BACH2: variants seen among roughly 807,000 people sequenced by gnomAD.
The protein encoded by BACH2 is transcription regulator protein BACH2.
Under a neutral mutation model 61.8 loss-of-function variants are expected in BACH2, and 5 were observed. The ratio of observed to expected loss-of-function variants is 0.08; its 90% CI spans 0.04 to 0.17. The LOEUF is 0.17. BACH2 is among the 10% of genes least tolerant of loss of function. The pLI, the probability that BACH2 is intolerant of heterozygous loss-of-function variation, is 1.00. For synonymous variants in BACH2, 446 were observed against 440.1 expected (o/e 1.01, Z -0.17); for missense variants, 824 against 1,091.1 (o/e 0.76, Z 3.45).
intron 3 of BACH2, among the ~76,000 whole-genome samples, chr6:90,220,897 T>C (rs1357738662): frequency 6.6e-6 from 1 of 152,210 alleles, no homozygotes; most frequent in Non-Finnish European, 1.5e-5. Flanking sequence ...TTACAGGTAT[T>C]TGTGCTTTTC....
intron 5 of BACH2, among the ~76,000 whole-genome samples, chr6:90,052,327 A>G (rs928289326): frequency 6.6e-6 from 1 of 152,180 alleles, no homozygotes; most frequent in East Asian, 1.9e-4. Flanking sequence ...GCAATATAGA[A>G]ATGTTATACC....
chr6:90,094,611 C>T (rs1302950549), intron 4 of BACH2, among the ~76,000 whole-genome samples: 1 of 152,140 alleles, frequency 6.6e-6, no homozygotes. Context: ...AAGGACGGGA[C>T]ACTGCATGTT....
intron 5 of BACH2, among the ~76,000 whole-genome samples, chr6:90,031,332 T>C (rs1291868026): frequency 2.0e-5 from 3 of 152,096 alleles, no homozygotes; most frequent in Non-Finnish European, 4.4e-5. Context: ...CTATTCAACA[T>C]AGTGTTGGAA....
intron 6 of BACH2, among the ~76,000 whole-genome samples, chr6:89,974,672 C>T (rs1342405340): frequency 1.3e-5 from 2 of 152,144 alleles, no homozygotes; most frequent in Non-Finnish European, 2.9e-5. Flanking sequence ...CTTCTGGCCT[C>T]GCTAATAAAT....
At chr6:90,080,430 T>G (rs1366612891) in intron 5 of BACH2, among the ~76,000 whole-genome samples, 1 of 152,166 alleles carries the variant, frequency 6.6e-6, no homozygotes, top group Non-Finnish European at 1.5e-5. Context: ...TCACACATGG[T>G]TATCACTGTG....
intron 2 of BACH2, among the ~76,000 whole-genome samples, chr6:90,256,042 T>G (rs1295230202): frequency 2.6e-5 from 4 of 152,180 alleles, no homozygotes; most frequent in African/African-American, 9.7e-5. Context: ...CTCCAAATTC[T>G]GAATTTCAAA....
At chr6:90,211,916 C>T (rs1366259873) in intron 3 of BACH2, among the ~76,000 whole-genome samples, 1 of 152,182 alleles carries the variant, frequency 6.6e-6, no homozygotes, top group Non-Finnish European at 1.5e-5. Flanking sequence ...TCCTACCCTT[C>T]CCACCACCAC....
chr6:89,975,654 A>G, intron 6 of BACH2, among the ~76,000 whole-genome samples: 1 of 152,238 alleles, frequency 6.6e-6, no homozygotes, highest in Non-Finnish European at 1.5e-5. Context: ...AATTGGCTCC[A>G]AGAGCCTCCT....
At chr6:90,029,149 A>G (rs150115745) in intron 5 of BACH2, among the ~76,000 whole-genome samples, 2 of 152,294 alleles carry the variant, frequency 1.3e-5, no homozygotes, top group African/African-American at 2.4e-5. Context: ...GGAAATAACA[A>G]TAGTTCTCTA....
chr6:90,118,492 G>C (rs892039053), intron 4 of BACH2, among the ~76,000 whole-genome samples: 1 of 152,200 alleles, frequency 6.6e-6, no homozygotes, highest in Admixed American at 6.5e-5. Flanking sequence ...CAAAGATCCA[G>C]CCTCTCAGCT....
At chr6:89,968,293 C>T (rs1775153594) in intron 6 of BACH2, among the ~76,000 whole-genome samples, 1 of 152,216 alleles carries the variant, frequency 6.6e-6, no homozygotes, top group Admixed American at 6.5e-5. Flanking sequence ...GGCATTTAAT[C>T]ACAGGAGGGC....
At chr6:90,159,143 ATAAC>A (rs1785099288) in intron 4 of BACH2, among the ~76,000 whole-genome samples, 1 of 152,244 alleles carries the variant, frequency 6.6e-6, no homozygotes, top group South Asian at 2.1e-4. Flanking sequence ...TTGAAATGAG[ATAAC>A]TAATTACTGG....
At chr6:90,156,179 G>C (rs1451243703) in intron 4 of BACH2, among the ~76,000 whole-genome samples, 3 of 152,040 alleles carry the variant, frequency 2.0e-5, no homozygotes, top group Non-Finnish European at 4.4e-5. Flanking sequence ...ACTGAGGTAG[G>C]TATCGAGTGG....
At chr6:90,142,530 A>G (rs1340161667) in intron 4 of BACH2, among the ~76,000 whole-genome samples, 1 of 152,182 alleles carries the variant, frequency 6.6e-6, no homozygotes, top group Non-Finnish European at 1.5e-5. Context: ...CTATTTGCCC[A>G]AACAGTACTT....
At chr6:90,185,103 C>G (rs903716846) in intron 4 of BACH2, among the ~76,000 whole-genome samples, 2 of 152,156 alleles carry the variant, frequency 1.3e-5, no homozygotes, top group East Asian at 3.8e-4. Context: ...CTGCTATAAA[C>G]AAATGTGCAT....
intron 5 of BACH2, among the ~76,000 whole-genome samples, chr6:90,016,472 C>T (rs1473895591): frequency 2.6e-5 from 4 of 152,074 alleles, no homozygotes; most frequent in African/African-American, 7.2e-5. Context: ...CACAATCTGC[C>T]TTCCAGTGAT....
At chr6:90,120,094 C>T (rs952149113) in intron 4 of BACH2, among the ~76,000 whole-genome samples, 3 of 152,204 alleles carry the variant, frequency 2.0e-5, no homozygotes, top group Non-Finnish European at 4.4e-5. Context: ...TTCATGCCAG[C>T]TGCTGGGGAC....
intron 6 of BACH2, among the ~76,000 whole-genome samples, chr6:89,993,023 C>T (rs539533240): frequency 6.6e-6 from 1 of 152,288 alleles, no homozygotes; most frequent in Admixed American, 6.5e-5. Flanking sequence ...GCACTGTCCA[C>T]ACACGCACAG....
At chr6:89,992,581 G>A (rs573129680) in intron 6 of BACH2, among the ~76,000 whole-genome samples, 1 of 152,328 alleles carries the variant, frequency 6.6e-6, no homozygotes, top group African/African-American at 2.4e-5. Context: ...GGTGGAGGTT[G>A]TGGTGAGCTG....
Sources: allele counts gnomAD v4.1 joint callset (sites outside exome capture counted in the v4.1 genomes callset), GRCh38; gene constraint gnomAD v4.1.1; transcripts MANE v1.5; gene names NCBI Gene and HGNC (gene_info 2026-07-23, HGNC 2026-07-21).